The following ABCA5 variants were observed in gnomAD, a reference collection of about 807,000 sequenced individuals.
The protein encoded by ABCA5 is cholesterol transporter ABCA5.
Under a neutral mutation model 206.0 loss-of-function variants are expected in ABCA5, and 163 were observed. That is an observed-to-expected ratio of 0.79 (90% CI 0.70 to 0.90). ABCA5 has a LOEUF of 0.90. ABCA5 is among the 40% of genes least tolerant of loss of function. ABCA5 has a pLI of 0.00. For synonymous variants in ABCA5, 609 were observed against 613.8 expected (o/e 0.99, Z 0.11); for missense variants, 1,859 against 1,912.9 (o/e 0.97, Z 0.53).
intron 12 of ABCA5, 140 bp downstream of exon 12, chr17:69,291,076 A>C (rs1379258088): frequency 6.5e-6 from 3 of 464,816 alleles, no homozygotes; most frequent in Non-Finnish European, 1.1e-5. Context: ...TCTACTAAAA[A>C]CAACCACATG....
At position 69,291,665 on chromosome 17, in the gene ABCA5, A is replaced by G. The variant is rs184508569; in HGVS notation, c.1496-339T>C. On this transcript the variant is annotated intron_variant, in intron 11 of 38. Transcript: ENST00000392676. ...TCCCAAGGATATTTATAGGCATTTA[A>G]ATAAACTGGCAAAAAAACAAGAAAT... Among the ~76,000 whole-genome samples, 16 of 152,346 alleles carry G rather than the reference A, an allele frequency of 1.1e-4. 1 individual carries two copies. Among genetic ancestry groups the G allele is most frequent in the African/African-American group, 3.6e-4 (15 of 41,576 alleles).
chr17:69,267,367 C>A (rs1039051412), intron 23 of ABCA5, among the ~76,000 whole-genome samples: 2 of 152,048 alleles, frequency 1.3e-5, no homozygotes, highest in African/African-American at 4.8e-5. Flanking sequence ...AAAGACTGTA[C>A]AAGATCGCTA....
chr17:69,303,605 A>AT lies in ABCA5; in HGVS notation c.931-700dup, dbSNP rs1440319846. Among the ~76,000 whole-genome samples the AT allele has an allele frequency of 2.8e-5, 4 of 143,960 alleles. No homozygotes were observed. The East Asian group carries it at 7.9e-4, about 29-fold the overall frequency. The allele number at this position is 143,960 out of a possible 152,430, so 94.4% of individuals were successfully genotyped here. On this transcript the variant is annotated intron_variant, in intron 7 of 38. Coordinates refer to ENST00000392676, the MANE Select transcript of ABCA5 (RefSeq NM_172232.4). ...ATTTTAAACTTAATTTATTCATAAGATAAAAAAAACAGTTTAAAAAGAAAA... is the reference window on the plus strand; with the variant it reads ...ATTTTAAACTTAATTTATTCATAAGATTAAAAAAAACAGTTTAAAAAGAAAA...
At chr17:69,313,068 A>G in intron 3 of ABCA5, 24 bp downstream of exon 3, 1 of 1,521,574 alleles carries the variant, frequency 6.6e-7, no homozygotes, top group Admixed American at 2.0e-5. Context: ...TTATAAACAG[A>G]ATATATATAT....
intron 20 of ABCA5, among the ~76,000 whole-genome samples, chr17:69,273,447 C>T (rs202118032): frequency 9.7e-5 from 14 of 144,780 alleles, no homozygotes; most frequent in African/African-American, 2.8e-4. Context: ...ATTTTTTTAA[C>T]TATTTATTTA....
intron 2 of ABCA5, among the ~76,000 whole-genome samples, chr17:69,314,040 A>C (rs1214993956): frequency 6.6e-6 from 1 of 152,186 alleles, no homozygotes. Context: ...TAGTTCATGA[A>C]ACTTAGGAAA....
At chr17:69,309,241 T>A (rs751115988) in intron 4 of ABCA5, 21 bp downstream of exon 4, 1 of 1,509,520 alleles carries the variant, frequency 6.6e-7, no homozygotes, top group South Asian at 1.3e-5. Context: ...TGATCTTCAA[T>A]GATTATGTAG....
intron 1 of ABCA5, among the ~76,000 whole-genome samples, chr17:69,324,356 T>C (rs2075884492): frequency 6.6e-6 from 1 of 152,150 alleles, no homozygotes; most frequent in Admixed American, 6.5e-5. Flanking sequence ...TTGACTTTTG[T>C]GAAGAACAGG....
intron 18 of ABCA5, among the ~76,000 whole-genome samples, chr17:69,280,699 C>A (rs537000249): frequency 5.3e-5 from 8 of 150,512 alleles, no homozygotes; most frequent in African/African-American, 1.7e-4. Context: ...GAATACTATG[C>A]AGCCATAAAA....
In ABCA5 at chr17:69,264,858, T is replaced by C. The variant is rs567176828; in HGVS notation, c.3192A>G (p.Ala1064=). The change falls in exon 24 of 39, where the codon GCA becomes GCG. Residue 1064 remains alanine, a synonymous_variant. Transcript: ENST00000392676. ...CAACAACAGCTTGTCCAATCCAATA[T>C]GCAGATGGCAAAAGACCTGAAAGTT... is the stretch of plus-strand genomic sequence containing the variant. The part of the protein sequence containing the change: ...QLKLSGLLPS[A]YWIGQAVVDI... The C allele has an allele frequency of 5.7e-6, 9 of 1,576,330 alleles. No homozygotes were observed. The South Asian group carries it at 1.1e-4, about 19-fold the overall frequency.
intron 23 of ABCA5, among the ~76,000 whole-genome samples, chr17:69,266,722 T>G (rs1353582646): frequency 6.7e-6 from 1 of 149,346 alleles, no homozygotes; most frequent in Non-Finnish European, 1.5e-5. Flanking sequence ...GATTTCTATA[T>G]TCCTTATACT....
chr17:69,317,040 T>A (rs765557505), intron 1 of ABCA5: 1 of 152,122 alleles, frequency 6.6e-6, no homozygotes, highest in Non-Finnish European at 1.5e-5. Flanking sequence ...ACAGCCCAAA[T>A]ACTTACCGAC....
At chr17:69,300,916 A>C (rs532164161) in intron 9 of ABCA5, among the ~76,000 whole-genome samples, 3 of 152,320 alleles carry the variant, frequency 2.0e-5, no homozygotes, top group African/African-American at 7.2e-5. Context: ...TAGAGACTTA[A>C]GGCTTTCAAA....
At position 69,273,969 on chromosome 17, in the gene ABCA5, T is replaced by C. The variant is rs1185576882; in HGVS notation, c.2754A>G (p.Gln918=). 1.2e-6 allele frequency: 2 copies of C among 1,603,548 alleles called. No homozygotes were observed. Among genetic ancestry groups the C allele is most frequent in the African/African-American group, 1.3e-5 (1 of 74,216 alleles). Residue 918 remains glutamine (Q), a synonymous_variant, in exon 20 of 39, where the codon CAA becomes CAG. Coordinates refer to ENST00000392676, the MANE Select transcript of ABCA5 (RefSeq NM_172232.4). ...PHKYKTSLLL[Q]NSADSDISDL... Reference sequence around the variant, plus strand: ...TTCACACACTCTCACCAGCAGAATTTTGAAGAAGCAGACTTGTTTTGTATT... The same window carrying C: ...TTCACACACTCTCACCAGCAGAATTCTGAAGAAGCAGACTTGTTTTGTATT...
intron 19 of ABCA5, among the ~76,000 whole-genome samples, chr17:69,276,604 C>T (rs966713431): frequency 6.6e-6 from 1 of 152,006 alleles, no homozygotes; most frequent in East Asian, 1.9e-4. Flanking sequence ...AGCTGAACAA[C>T]GAGAACACAT....
intron 24 of ABCA5, among the ~76,000 whole-genome samples, chr17:69,264,404 T>C (rs1341446569): frequency 6.6e-6 from 1 of 152,178 alleles, no homozygotes; most frequent in Admixed American, 6.5e-5. Context: ...AGCTTATCCT[T>C]TGTGAAATTA....
intron 9 of ABCA5, among the ~76,000 whole-genome samples, chr17:69,297,667 G>C (rs1368032899): frequency 6.6e-6 from 1 of 152,166 alleles, no homozygotes; most frequent in Non-Finnish European, 1.5e-5. Flanking sequence ...GGTGAATAAA[G>C]CACATCTTCT....
intron 34 of ABCA5, among the ~76,000 whole-genome samples, chr17:69,252,072 C>T (rs2075020914): frequency 6.7e-6 from 1 of 149,688 alleles, no homozygotes; most frequent in Admixed American, 6.7e-5. Context: ...AGAGAAGTGG[C>T]CCGATCTCGG....
intron 25 of ABCA5, 67 bp from the exon 26 acceptor site, chr17:69,261,326 C>A: frequency 7.1e-7 from 1 of 1,414,618 alleles, no homozygotes; most frequent in Non-Finnish European, 9.6e-7. Context: ...TTGGTGTCTA[C>A]GCATTAAACT....
Sources: gnomAD v4.1 joint callset for allele counts (sites outside exome capture counted in the v4.1 genomes callset) on GRCh38, gnomAD v4.1.1 for gene constraint, MANE v1.5 for transcripts, NCBI Gene and HGNC (gene_info 2026-07-23, HGNC 2026-07-21) for gene names.